TMA16: variants seen among roughly 807,000 people sequenced by gnomAD.
TMA16 encodes translation machinery associated 16 homolog, also known as translation machinery-associated protein 16.
In TMA16, 26 loss-of-function variants were observed where a neutral mutation model predicts 27.1. The ratio of observed to expected loss-of-function variants is 0.96; its 90% CI spans 0.70 to 1.33. The LOEUF (loss-of-function observed/expected upper bound fraction) is 1.33. Ranked by LOEUF, TMA16 falls within the 40% of genes most tolerant of loss-of-function variation. The probability of loss-of-function intolerance (pLI) is 0.00; values close to 1 mark genes in which losing one functional copy is unlikely to be tolerated. For synonymous variants in TMA16, 71 were observed against 81.9 expected, an observed-to-expected ratio of 0.87 and a Z score of 0.72; for missense variants, 233 against 241.4, an observed-to-expected ratio of 0.97 and a Z score of 0.23.
intron 1 of TMA16, among the ~76,000 whole-genome samples, chr4:163,501,303 G>A (rs1182482501): frequency 1.3e-5 from 2 of 152,118 alleles, no homozygotes; most frequent in African/African-American, 4.8e-5. Context: ...TGTGAGATGA[G>A]TTTAAACCAC....
At position 163,506,565 on chromosome 4, in the gene TMA16, G is replaced by C. The variant is rs368728843; in HGVS notation, c.4-468G>C. Among the ~76,000 whole-genome samples, 104 of 152,166 alleles carry C rather than the reference G, an allele frequency of 6.8e-4. 2 individuals carry two copies. The South Asian group carries it at 0.021, about 31-fold the overall frequency. ...CTATTATTTTCTCTATTCCTAATTTGTACAGGCAATGAGCCCAGCTTTGAT... is the reference window on the plus strand; with the variant it reads ...CTATTATTTTCTCTATTCCTAATTTCTACAGGCAATGAGCCCAGCTTTGAT... On this transcript the variant is annotated intron_variant, in intron 1 of 6. Transcript: ENST00000358572.
Position 163,498,286 on chromosome 4 carries a change from A to ATTT in TMA16, c.3+3499_3+3501dup, listed in dbSNP as rs10608478. On this transcript the variant is annotated intron_variant, in intron 1 of 6. Coordinates refer to ENST00000358572, the MANE Select transcript of TMA16 (RefSeq NM_018352.3). ...ATTAATAGAATTTCTTGGTTAAAAG[A>ATTT]TTTTTTTTTTTTTTTTTTTGAGACA... Among the ~76,000 whole-genome samples, 72 of 125,690 alleles carry ATTT rather than the reference A, an allele frequency of 5.7e-4. 1 individual carries two copies. The highest frequency in any genetic ancestry group is 6.9e-4 in the Non-Finnish European group (41 of 59,566). The allele number at this position is 125,690 out of a possible 152,430, so 82.5% of individuals were successfully genotyped here.
At chr4:163,507,413 C>A (rs973687215) in intron 2 of TMA16, among the ~76,000 whole-genome samples, 2 of 151,920 alleles carry the variant, frequency 1.3e-5, no homozygotes, top group Non-Finnish European at 2.9e-5. Flanking sequence ...AGTTGTTTTA[C>A]GTGGGATAGT....
At position 163,519,633 on chromosome 4, in the gene TMA16, GTT is replaced by G; in HGVS notation, c.*121_*122del. On this transcript the variant is annotated 3_prime_UTR_variant, in exon 7 of 7. Coordinates refer to ENST00000358572, the MANE Select transcript of TMA16 (RefSeq NM_018352.3). ...ACTGACATTCTCTTATATGATGAGA[GTT>G]TCATTTGCGTTTCAAAAATGGTGTT... is the stretch of plus-strand genomic sequence containing the variant. The G allele has an allele frequency of 1.0e-6, 1 of 996,348 alleles. No homozygotes were observed. The highest frequency in any genetic ancestry group is 3.0e-5 in the East Asian group (1 of 33,216). The allele number at this position is 996,348 out of a possible 1,614,324, so 61.7% of individuals were successfully genotyped here.
chr4:163,496,932 G>A (rs1277634091), intron 1 of TMA16, among the ~76,000 whole-genome samples: 2 of 152,150 alleles, frequency 1.3e-5, no homozygotes, highest in African/African-American at 2.4e-5. Flanking sequence ...GATTACAAGT[G>A]TGGGCCACCG....
chr4:163,494,707 C>A lies in TMA16; in HGVS notation c.-95C>A. 1 of 1,570,682 alleles carries A rather than the reference C, an allele frequency of 6.4e-7. No homozygotes were observed. The highest frequency in any genetic ancestry group is 1.1e-5 in the South Asian group (1 of 90,038). ...GGCTTCTCAGGCGCCACGTGGGATT[C>A]GGCCCGGGTGCTCTTGTGAGCTGCT... is the stretch of plus-strand genomic sequence containing the variant. On this transcript the variant is annotated 5_prime_UTR_variant, in exon 1 of 7. Coordinates refer to ENST00000358572, the MANE Select transcript of TMA16 (RefSeq NM_018352.3).
intron 2 of TMA16, among the ~76,000 whole-genome samples, chr4:163,511,241 T>C (rs1056355089): frequency 2.0e-5 from 3 of 152,116 alleles, no homozygotes; most frequent in African/African-American, 7.2e-5. Context: ...GTTTTTTTTT[T>C]CTCTTTAATT....
chr4:163,519,298 C>T (rs1327102893), intron 6 of TMA16, 36 bp from the exon 7 acceptor site: 2 of 1,513,438 alleles, frequency 1.3e-6, no homozygotes, highest in South Asian at 1.3e-5. Context: ...CTCTTACCAA[C>T]ACTCTGCACT....
chr4:163,506,197 G>T (rs1297376325), intron 1 of TMA16, among the ~76,000 whole-genome samples: 2 of 152,036 alleles, frequency 1.3e-5, no homozygotes, highest in Admixed American at 1.3e-4. Context: ...AGGCTGTCTT[G>T]AACTAGATAG....
chr4:163,505,193 T>A (rs1038802230), intron 1 of TMA16, among the ~76,000 whole-genome samples: 6 of 152,166 alleles, frequency 3.9e-5, no homozygotes, highest in African/African-American at 1.4e-4. Flanking sequence ...CCTGAAAGTT[T>A]TTACTTGATT....
intron 1 of TMA16, among the ~76,000 whole-genome samples, chr4:163,503,509 G>T (rs2110794955): frequency 6.6e-6 from 1 of 152,240 alleles, no homozygotes; most frequent in East Asian, 1.9e-4. Flanking sequence ...ATTTTAACAG[G>T]AATATTTAAA....
At chr4:163,510,729 A>G (rs951663358) in intron 2 of TMA16, among the ~76,000 whole-genome samples, 3 of 152,206 alleles carry the variant, frequency 2.0e-5, no homozygotes, top group Non-Finnish European at 4.4e-5. Flanking sequence ...GCCACCTGTT[A>G]TTACGAAAAG....
intron 2 of TMA16, among the ~76,000 whole-genome samples, chr4:163,509,187 G>A (rs548316758): frequency 9.6e-4 from 146 of 152,206 alleles, no homozygotes; most frequent in African/African-American, 3.2e-3. Flanking sequence ...CAGTAACCAC[G>A]AGTCATACTT....
rs531810042 is a variant in TMA16 at position 163,519,446 on chromosome 4, G to A, written c.544G>A (p.Asp182Asn). Residue 182 changes from aspartate to asparagine, a missense_variant, in exon 7 of 7, where the codon GAT becomes AAT. Physicochemically the swap from Asp to Asn is conservative, Grantham distance 23. Transcript: ENST00000358572. ...GAAAACTATTATAACTGTAGACCAAGATTTGGGGGAATTGGAACTAAACGA... is the reference window on the plus strand; with the variant it reads ...GAAAACTATTATAACTGTAGACCAAAATTTGGGGGAATTGGAACTAAACGA... Reference protein sequence around the residue: ...KRKTIITVDQDLGELELNDES... With the variant: ...KRKTIITVDQNLGELELNDES... 2.1e-5 allele frequency: 34 copies of A among 1,606,130 alleles called. No individual in the cohort carries two copies. The highest frequency in any genetic ancestry group is 1.7e-4 in the Middle Eastern group (1 of 6,060).
At chr4:163,505,602 A>G (rs945545495) in intron 1 of TMA16, among the ~76,000 whole-genome samples, 2 of 152,218 alleles carry the variant, frequency 1.3e-5, no homozygotes, top group South Asian at 2.1e-4. Context: ...ATAGCTTGGT[A>G]TGTTCTGGAA....
At chr4:163,503,324 A>G (rs1243964297) in intron 1 of TMA16, among the ~76,000 whole-genome samples, 1 of 152,152 alleles carries the variant, frequency 6.6e-6, no homozygotes, top group East Asian at 1.9e-4. Context: ...TAAACTTTAA[A>G]AAAAAAATGT....
chr4:163,508,611 GATC>G (rs1486313315), intron 2 of TMA16, among the ~76,000 whole-genome samples: 1 of 152,136 alleles, frequency 6.6e-6, no homozygotes, highest in African/African-American at 2.4e-5. Context: ...AAAGTGAAAG[GATC>G]AAAAGAAAAT....
chr4:163,509,018 G>C (rs1579017487), intron 2 of TMA16, among the ~76,000 whole-genome samples: 1 of 152,110 alleles, frequency 6.6e-6, no homozygotes, highest in South Asian at 2.1e-4. Flanking sequence ...AAATAGATTG[G>C]ATTTTTTCCC....
chr4:163,504,623 G>A (rs1331106190), intron 1 of TMA16, among the ~76,000 whole-genome samples: 6 of 152,078 alleles, frequency 3.9e-5, no homozygotes, highest in Non-Finnish European at 8.8e-5. Flanking sequence ...TCAGCCTCTT[G>A]AATAGATGGG....
Sources: allele counts gnomAD v4.1 joint callset (sites outside exome capture counted in the v4.1 genomes callset), GRCh38; gene constraint gnomAD v4.1.1; transcripts MANE v1.5; gene names NCBI Gene and HGNC (gene_info 2026-07-23, HGNC 2026-07-21).